Variants in PDE4B observed in about 807,000 individuals in gnomAD.
The protein encoded by PDE4B is phosphodiesterase 4B.
Under a neutral mutation model 82.2 loss-of-function variants are expected in PDE4B, and 20 were observed. The ratio of observed to expected loss-of-function variants is 0.24; its 90% CI spans 0.17 to 0.35. The LOEUF is 0.35. Ranked by LOEUF, PDE4B falls within the 10% of genes least tolerant of loss-of-function variation. PDE4B has a pLI of 1.00. For missense variants in PDE4B, 655 were observed against 907.2 expected, an observed-to-expected ratio of 0.72 and a Z score of 3.57; for synonymous variants, 320 against 318.9, an observed-to-expected ratio of 1.00 and a Z score of -0.04.
chr1:65,835,370 T>C (rs1285394971), intron 1 of PDE4B, among the ~76,000 whole-genome samples: 1 of 152,266 alleles, frequency 6.6e-6, no homozygotes, highest in East Asian at 1.9e-4. Context: ...TTTCCTCTCT[T>C]GTGGTGTTCA....
At chr1:65,797,358 G>A (rs1398792791) in intron 1 of PDE4B, among the ~76,000 whole-genome samples, 1 of 152,142 alleles carries the variant, frequency 6.6e-6, no homozygotes, top group African/African-American at 2.4e-5. Context: ...TCAAGTTGTG[G>A]TCATATTTTG....
intron 3 of PDE4B, among the ~76,000 whole-genome samples, chr1:66,022,423 G>A (rs1381962387): frequency 1.3e-5 from 2 of 152,268 alleles, no homozygotes; most frequent in South Asian, 2.1e-4. Flanking sequence ...TGCCCATTCA[G>A]CATGATATTG....
At chr1:65,900,678 G>C (rs923158203) in intron 1 of PDE4B, among the ~76,000 whole-genome samples, 2 of 151,914 alleles carry the variant, frequency 1.3e-5, no homozygotes, top group Non-Finnish European at 2.9e-5. Flanking sequence ...CACCTCCTTG[G>C]TTAGGTGTAT....
intron 3 of PDE4B, among the ~76,000 whole-genome samples, chr1:65,966,263 CAGAG>C (rs1649824593): frequency 6.6e-6 from 1 of 152,070 alleles, no homozygotes; most frequent in Non-Finnish European, 1.5e-5. Flanking sequence ...AATAGACAAA[CAGAG>C]AGCCAAATCA....
At chr1:66,324,686 T>C (rs1659626584) in intron 7 of PDE4B, among the ~76,000 whole-genome samples, 1 of 152,062 alleles carries the variant, frequency 6.6e-6, no homozygotes, top group South Asian at 2.1e-4. Context: ...CCACCCAGAG[T>C]GAAATCCCTG....
At chr1:66,287,895 G>C (rs1424053831) in intron 7 of PDE4B, among the ~76,000 whole-genome samples, 1 of 152,034 alleles carries the variant, frequency 6.6e-6, no homozygotes, top group Non-Finnish European at 1.5e-5. Flanking sequence ...GATGACTTGA[G>C]TCCAGGAGTT....
At chr1:65,966,342 G>A (rs1408263485) in intron 3 of PDE4B, among the ~76,000 whole-genome samples, 1 of 152,048 alleles carries the variant, frequency 6.6e-6, no homozygotes, top group Non-Finnish European at 1.5e-5. Flanking sequence ...AACTTACAAG[G>A]TATGTGAAGG....
At chr1:66,225,442 A>G (rs923330763) in intron 3 of PDE4B, among the ~76,000 whole-genome samples, 1 of 152,194 alleles carries the variant, frequency 6.6e-6, no homozygotes, top group Non-Finnish European at 1.5e-5. Context: ...ATTTTTCCAC[A>G]TATTTTATAA....
At chr1:66,191,392 T>C (rs1647786412) in intron 3 of PDE4B, among the ~76,000 whole-genome samples, 1 of 152,218 alleles carries the variant, frequency 6.6e-6, no homozygotes, top group East Asian at 1.9e-4. Flanking sequence ...ATTTCTCCTA[T>C]ACATTCACAA....
At chr1:66,013,233 G>A (rs542091998) in intron 3 of PDE4B, among the ~76,000 whole-genome samples, 1 of 152,200 alleles carries the variant, frequency 6.6e-6, no homozygotes, top group East Asian at 1.9e-4. Context: ...TTAATTAAGA[G>A]TGAGTGAAAT....
chr1:66,010,086 A>T (rs768559119), intron 3 of PDE4B, among the ~76,000 whole-genome samples: 2 of 152,048 alleles, frequency 1.3e-5, no homozygotes, highest in Non-Finnish European at 2.9e-5. Flanking sequence ...ATGGTAGCAC[A>T]TGGTAGGTAG....
chr1:66,106,594 T>C (rs1257103150), intron 3 of PDE4B, among the ~76,000 whole-genome samples: 1 of 151,420 alleles, frequency 6.6e-6, no homozygotes, highest in Non-Finnish European at 1.5e-5. Flanking sequence ...GGTAAGCTAT[T>C]GATTATTGCC....
At chr1:66,277,528 T>G (rs1309208866) in intron 7 of PDE4B, among the ~76,000 whole-genome samples, 4 of 152,136 alleles carry the variant, frequency 2.6e-5, no homozygotes, top group Non-Finnish European at 5.9e-5. Flanking sequence ...CCCAAGTAGT[T>G]GGGACTACAG....
intron 3 of PDE4B, among the ~76,000 whole-genome samples, chr1:66,102,348 G>C (rs1645242911): frequency 6.6e-6 from 1 of 152,010 alleles, no homozygotes; most frequent in Non-Finnish European, 1.5e-5. Context: ...TCTTTATTTT[G>C]AAATGTGATG....
At chr1:65,970,723 G>A (rs769622960) in intron 3 of PDE4B, among the ~76,000 whole-genome samples, 2 of 152,054 alleles carry the variant, frequency 1.3e-5, no homozygotes, top group Non-Finnish European at 2.9e-5. Flanking sequence ...AGTGACATTC[G>A]ATTAGGTCTT....
At chr1:66,111,328 A>C (rs1029476799) in intron 3 of PDE4B, among the ~76,000 whole-genome samples, 1 of 152,126 alleles carries the variant, frequency 6.6e-6, no homozygotes, top group African/African-American at 2.4e-5. Context: ...TAAGTACATT[A>C]ACACTGTTGG....
chr1:66,088,359 T>C (rs1280714266), intron 3 of PDE4B, among the ~76,000 whole-genome samples: 1 of 152,042 alleles, frequency 6.6e-6, no homozygotes, highest in African/African-American at 2.4e-5. Flanking sequence ...ATGTTTAGTA[T>C]TTAGTCAGAT....
chr1:66,205,346 T>C (rs1222283173), intron 3 of PDE4B, among the ~76,000 whole-genome samples: 2 of 152,242 alleles, frequency 1.3e-5, no homozygotes, highest in Non-Finnish European at 2.9e-5. Context: ...AAACTTGGGA[T>C]TTCTTCACCC....
rs527632678 is a variant in PDE4B at position 66,001,803 on chromosome 1, A to G, written c.281+82968A>G. On this transcript the variant is annotated intron_variant, in intron 3 of 16. Coordinates refer to ENST00000341517, the MANE Select transcript of PDE4B (RefSeq NM_002600.4). ...AGTGGCATGATCTTGGCTTACTGCA[A>G]CCTCTGCCTCATGGGTTCAAACTAG... Among the ~76,000 whole-genome samples, 6 of 152,096 alleles carry G rather than the reference A, an allele frequency of 3.9e-5. 2 individuals carry two copies. The South Asian group carries it at 1.3e-3, about 32-fold the overall frequency.
Sources: allele counts gnomAD v4.1 joint callset (sites outside exome capture counted in the v4.1 genomes callset), GRCh38; gene constraint gnomAD v4.1.1; transcripts MANE v1.5; gene names NCBI Gene and HGNC (gene_info 2026-07-23, HGNC 2026-07-21).